MCHR2: variants seen among roughly 807,000 people sequenced by gnomAD.
MCHR2 encodes the protein melanin-concentrating hormone receptor 2.
A neutral mutation model predicts 24.8 loss-of-function variants in MCHR2; 15 were observed. That is an observed-to-expected ratio of 0.60 (90% confidence interval 0.40 to 0.93). The LOEUF is 0.93. Among genes scored for constraint, MCHR2 ranks in the 40% least tolerant of loss-of-function variants. The probability of loss-of-function intolerance (pLI) is 0.00; values close to 1 mark genes in which losing one functional copy is unlikely to be tolerated. For missense variants in MCHR2, 386 were observed against 408.7 expected (o/e 0.94, Z 0.48); for synonymous variants, 151 against 147.6 (o/e 1.02, Z -0.17).
At chr6:99,982,467 GAAAAAAAAA>G (rs1196029682) in intron 1 of MCHR2, among the ~76,000 whole-genome samples, 9 of 46,640 alleles carry the variant, frequency 1.9e-4, no homozygotes, top group South Asian at 1.7e-3. Flanking sequence ...TGTCTGTACA[GAAAAAAAAA>G]AAAAAAAAAA....
At chr6:99,960,971 T>C (rs1328533661) in intron 1 of MCHR2, among the ~76,000 whole-genome samples, 1 of 152,078 alleles carries the variant, frequency 6.6e-6, no homozygotes, top group Non-Finnish European at 1.5e-5. Context: ...AAAGCCAAGA[T>C]TGACAAATGG....
At position 99,949,969 on chromosome 6, in the gene MCHR2, A is replaced by G. The variant is rs531008692; in HGVS notation, c.183-1998T>C. Among the ~76,000 whole-genome samples the G allele has an allele frequency of 2.0e-5, 3 of 152,208 alleles. No individual in the cohort carries two copies. The South Asian group carries it at 6.2e-4, about 32-fold the overall frequency. The stretch of plus-strand genomic sequence containing the variant: ...TAGTCTATAAATAGATGTTATTTTC[A>G]TGTGAATTGGGATATAAACCATAAG... On this transcript the variant is annotated intron_variant, in intron 2 of 5. Coordinates refer to ENST00000281806, the MANE Select transcript of MCHR2 (RefSeq NM_001040179.2).
At position 99,972,492 on chromosome 6, in the gene MCHR2, T is replaced by C. The variant is rs1369363229; in HGVS notation, c.-27-16318A>G. Among the ~76,000 whole-genome samples, 7 of 152,206 alleles carry C rather than the reference T, an allele frequency of 4.6e-5. 1 individual carries two copies. The highest frequency in any genetic ancestry group is 2.6e-4 in the Admixed American group (4 of 15,284). ...TCTTGCTAGCAGTCTATCAATTTTG[T>C]TGATCCTTTCAAAAAACCAGCTCCT... On this transcript the variant is annotated intron_variant, in intron 1 of 5. Coordinates refer to ENST00000281806, the MANE Select transcript of MCHR2 (RefSeq NM_001040179.2).
At chr6:99,980,403 T>G (rs898121997) in intron 1 of MCHR2, among the ~76,000 whole-genome samples, 2 of 152,182 alleles carry the variant, frequency 1.3e-5, no homozygotes, top group African/African-American at 4.8e-5. Flanking sequence ...CCTGGTCAGA[T>G]CCAGTTCTGA....
chr6:99,952,044 C>T (rs1205066128), intron 2 of MCHR2, among the ~76,000 whole-genome samples: 2 of 152,042 alleles, frequency 1.3e-5, no homozygotes, highest in East Asian at 3.9e-4. Context: ...GGGGGTCTGA[C>T]AAAACAAAGT....
In MCHR2 at chr6:99,980,957, A is replaced by G. The variant is rs76852743; in HGVS notation, c.-28+12979T>C. 1.6e-4 allele frequency among the ~76,000 whole-genome samples: 24 copies of G among 152,346 alleles called. 1 individual carries two copies. The East Asian group carries it at 3.5e-3, about 22-fold the overall frequency. ...AGGTTTTATGATAAAAAGTTATTAC[A>G]TATTTGAGTGGATGTCAAAGCAGGG... On this transcript the variant is annotated intron_variant, in intron 1 of 5. Transcript: ENST00000281806.
intron 2 of MCHR2, 132 bp downstream of exon 2, chr6:99,955,834 T>C (rs1042385584): frequency 1.1e-5 from 8 of 728,792 alleles, no homozygotes; most frequent in Admixed American, 3.7e-5. Context: ...TCATTAATTA[T>C]CTTAAGCAAA....
At chr6:99,992,599 G>A (rs938146736) in intron 1 of MCHR2, among the ~76,000 whole-genome samples, 5 of 152,088 alleles carry the variant, frequency 3.3e-5, no homozygotes, top group Non-Finnish European at 5.9e-5. Flanking sequence ...TTCAATCTCC[G>A]TTTAACTAAC....
rs926223761 is a variant in MCHR2, at chr6:99,919,571, A to C, written c.*1369T>G. Among the ~76,000 whole-genome samples, 12 of 152,158 alleles carry C rather than the reference A, an allele frequency of 7.9e-5. No individual in the cohort carries two copies. Among genetic ancestry groups the C allele is most frequent in the African/African-American group, 2.9e-4 (12 of 41,430 alleles). Reference sequence around the variant, plus strand: ...GTCTTAGTGTAGAACACAGGCATTAAATGCATTGTTTCCTTTCCTAACTAT... The same window carrying C: ...GTCTTAGTGTAGAACACAGGCATTACATGCATTGTTTCCTTTCCTAACTAT... On this transcript the variant is annotated 3_prime_UTR_variant, in exon 6 of 6. Coordinates refer to ENST00000281806, the MANE Select transcript of MCHR2 (RefSeq NM_001040179.2).
At position 99,920,393 on chromosome 6, in the gene MCHR2, A is replaced by G. The variant is rs1380850762; in HGVS notation, c.*547T>C. 3 of 153,240 alleles carry G rather than the reference A, an allele frequency of 2.0e-5. No homozygotes were observed. The highest frequency in any genetic ancestry group is 7.2e-5 in the African/African-American group (3 of 41,476). The allele number at this position is 153,240 out of a possible 1,614,324, so 9.5% of individuals were successfully genotyped here. A position where few individuals can be genotyped will look rare whatever the true frequency, so the allele number is the denominator to read the frequency against. On this transcript the variant is annotated 3_prime_UTR_variant, in exon 6 of 6. Coordinates refer to ENST00000281806, the MANE Select transcript of MCHR2 (RefSeq NM_001040179.2). ...ATAATACTTATTTCACAGGTTTGTT[A>G]CATGTAATCTTACACATTGCATGTG...
At chr6:99,975,402 C>T (rs576334767) in intron 1 of MCHR2, among the ~76,000 whole-genome samples, 88 of 152,290 alleles carry the variant, frequency 5.8e-4, no homozygotes, top group African/African-American at 2.0e-3. Context: ...CCTGGTGTCC[C>T]GTTTTTTAAG....
At chr6:99,939,306 G>A (rs145386243) in intron 4 of MCHR2, among the ~76,000 whole-genome samples, 8 of 151,864 alleles carry the variant, frequency 5.3e-5, no homozygotes, top group East Asian at 3.9e-4. Flanking sequence ...TTTCTCTGGC[G>A]GAATGTCTTA....
At chr6:99,945,217 C>T (rs984791492) in intron 3 of MCHR2, among the ~76,000 whole-genome samples, 6 of 152,178 alleles carry the variant, frequency 3.9e-5, no homozygotes, top group African/African-American at 1.4e-4. Context: ...TAGTTTAAGG[C>T]CACTGTATCC....
chr6:99,978,196 A>G (rs1318648984), intron 1 of MCHR2, among the ~76,000 whole-genome samples: 1 of 152,142 alleles, frequency 6.6e-6, no homozygotes, highest in Non-Finnish European at 1.5e-5. Context: ...CCCACCTCTT[A>G]CTTACCTGAC....
chr6:99,986,637 C>T (rs1775774980), intron 1 of MCHR2, among the ~76,000 whole-genome samples: 1 of 151,910 alleles, frequency 6.6e-6, no homozygotes, highest in African/African-American at 2.4e-5. Flanking sequence ...TGTGGACATA[C>T]AGAGAGGAAT....
intron 1 of MCHR2, among the ~76,000 whole-genome samples, chr6:99,982,467 GAA>G (rs1196029682): frequency 1.3e-4 from 6 of 46,640 alleles, no homozygotes; most frequent in Admixed American, 8.8e-4. Flanking sequence ...TGTCTGTACA[GAA>G]AAAAAAAAAA....
At chr6:99,929,035 G>A (rs1245477105) in intron 5 of MCHR2, among the ~76,000 whole-genome samples, 3 of 151,948 alleles carry the variant, frequency 2.0e-5, no homozygotes, top group Non-Finnish European at 4.4e-5. Context: ...CTGGTATGTT[G>A]TGTCTTTGTT....
At chr6:99,942,755 C>G (rs1774795826) in intron 4 of MCHR2, among the ~76,000 whole-genome samples, 194 bp downstream of exon 4, 1 of 152,012 alleles carries the variant, frequency 6.6e-6, no homozygotes, top group Admixed American at 6.6e-5. Flanking sequence ...AATTCAAAAT[C>G]TTTTTCTAAA....
chr6:99,948,598 A>G (rs1774916858), intron 2 of MCHR2, among the ~76,000 whole-genome samples: 1 of 152,152 alleles, frequency 6.6e-6, no homozygotes, highest in African/African-American at 2.4e-5. Flanking sequence ...GCTGCTCCTG[A>G]ATCCATGACC....
Sources: allele counts gnomAD v4.1 joint callset (sites outside exome capture counted in the v4.1 genomes callset), GRCh38; gene constraint gnomAD v4.1.1; transcripts MANE v1.5; gene names NCBI Gene and HGNC (gene_info 2026-07-23, HGNC 2026-07-21).